Variants in DMD observed in about 807,000 individuals in gnomAD.
DMD encodes the protein dystrophin.
A neutral mutation model predicts 330.1 loss-of-function variants in DMD; 63 were observed. The ratio of observed to expected loss-of-function variants is 0.19; its 90% CI spans 0.16 to 0.24. DMD has a LOEUF of 0.24. Ranked by LOEUF, DMD falls within the 10% of genes least tolerant of loss-of-function variation. DMD has a pLI of 1.00. For synonymous variants in DMD, 1,223 were observed against 959.8 expected (o/e 1.27, Z -5.07); for missense variants, 3,344 against 2,684.1 (o/e 1.25, Z -5.43).
chrX:31,400,548 A>G (rs2061144028), intron 60 of DMD, among the ~76,000 whole-genome samples: 1 of 112,115 alleles, frequency 8.9e-6, no homozygotes, highest in Non-Finnish European at 1.9e-5. Context: ...CCAGTCTCAG[A>G]TATTTGAAGT....
intron 7 of DMD, among the ~76,000 whole-genome samples, chrX:32,767,882 A>G (rs941568246): frequency 5.4e-5 from 6 of 111,768 alleles, no homozygotes; most frequent in Non-Finnish European, 1.1e-4. Flanking sequence ...ATGTGTCTGT[A>G]AATCTCTGTT....
intron 55 of DMD, among the ~76,000 whole-genome samples, chrX:31,569,632 G>GTA (rs940638610): frequency 3.1e-5 from 3 of 95,598 alleles, no homozygotes; most frequent in African/African-American, 8.0e-5. Context: ...ACGTATATAC[G>GTA]TATATATATG....
At chrX:32,844,474 G>T (rs920781029) in intron 4 of DMD, among the ~76,000 whole-genome samples, 1 of 109,809 alleles carries the variant, frequency 9.1e-6, no homozygotes, top group Admixed American at 9.7e-5. Context: ...AGTAAGAAAA[G>T]AAACCGAGTT....
intron 60 of DMD, among the ~76,000 whole-genome samples, chrX:31,393,969 C>G (rs2060802015): frequency 8.9e-6 from 1 of 112,531 alleles, no homozygotes; most frequent in South Asian, 3.6e-4. Context: ...GATGATGATA[C>G]TATCAACATT....
intron 28 of DMD, among the ~76,000 whole-genome samples, chrX:32,440,578 T>C (rs1031666405): frequency 2.7e-5 from 3 of 111,561 alleles, no homozygotes; most frequent in Non-Finnish European, 3.8e-5. Context: ...TACACTAAAA[T>C]GCATAGAGCT....
intron 43 of DMD, among the ~76,000 whole-genome samples, chrX:32,232,057 T>G (rs1406504058): frequency 9.1e-6 from 1 of 110,408 alleles, no homozygotes; most frequent in East Asian, 2.8e-4. Context: ...AAATTAGTTC[T>G]GAAATTATGC....
intron 50 of DMD, among the ~76,000 whole-genome samples, chrX:31,801,590 CCAACACA>C (rs2092069430): frequency 1.1e-5 from 1 of 89,874 alleles, no homozygotes; most frequent in African/African-American, 4.0e-5. Context: ...TCCCCCCCCC[CCAACACA>C]CACACAATAG....
chrX:32,320,413 T>C (rs1385884737), intron 41 of DMD, among the ~76,000 whole-genome samples: 2 of 111,878 alleles, frequency 1.8e-5, no homozygotes, highest in African/African-American at 6.5e-5. Context: ...ATCTAAATTA[T>C]TTAAAAGCAA....
chrX:32,608,323 G>T (rs749401554), intron 12 of DMD, among the ~76,000 whole-genome samples: 1 of 110,359 alleles, frequency 9.1e-6, no homozygotes, highest in African/African-American at 3.3e-5. Flanking sequence ...AATTGTAACT[G>T]AATATCATGC....
intron 62 of DMD, among the ~76,000 whole-genome samples, chrX:31,287,088 G>A (rs1168555905): frequency 8.9e-6 from 1 of 112,256 alleles, no homozygotes. Context: ...CTTTGTATTG[G>A]AATGCTTTTA....
intron 16 of DMD, among the ~76,000 whole-genome samples, chrX:32,548,854 G>T (rs754076995): frequency 9.0e-6 from 1 of 111,273 alleles, no homozygotes; most frequent in African/African-American, 3.3e-5. Flanking sequence ...AAAACTTCAA[G>T]CATGATAAGA....
intron 2 of DMD, among the ~76,000 whole-genome samples, chrX:32,866,731 GGGTGGGGGGGT>G (rs2082523007): frequency 2.4e-4 from 8 of 33,386 alleles, no homozygotes; most frequent in African/African-American, 8.4e-4. Flanking sequence ...TTTTGGGGGG[GGGTGGGGGGGT>G]GGGGGGGGGG....
In DMD at chrX:32,823,415, A is replaced by G. The variant is rs766076256; in HGVS notation, c.265-28T>C. 3 of 1,017,680 alleles carry G rather than the reference A, an allele frequency of 2.9e-6. No individual in the cohort carries two copies. In the East Asian group the frequency reaches 9.1e-5, roughly 31 times the overall value. The allele number at this position is 1,017,680 out of a possible 1,213,427, so 83.9% of individuals were successfully genotyped here. On this transcript the variant is annotated intron_variant, in intron 4 of 78. Coordinates refer to ENST00000357033, the MANE Select transcript of DMD (RefSeq NM_004006.3). ...GTTAAAGAAAGGGGTAAAACATTTG[A>G]AGGTAAGAGACCAAATGCCTAGTTG...
intron 25 of DMD, among the ~76,000 whole-genome samples, chrX:32,459,423 G>A (rs1306817411): frequency 9.0e-6 from 1 of 111,141 alleles, no homozygotes; most frequent in African/African-American, 3.3e-5. Flanking sequence ...AGGGATGGGA[G>A]CATGGGGAAA....
In DMD at chrX:33,137,335, T is replaced by C. The variant is rs916277604; in HGVS notation, c.31+73947A>G. ...CATCAGAAGCACTTAAGCATAAATG[T>C]TCTCTTTTTATAGTGGTGGGGGGAG... On this transcript the variant is annotated intron_variant, in intron 1 of 78. Coordinates refer to ENST00000357033, the MANE Select transcript of DMD (RefSeq NM_004006.3). Among the ~76,000 whole-genome samples, 19 of 111,818 alleles carry C rather than the reference T, an allele frequency of 1.7e-4. 1 individual carries two copies. Among genetic ancestry groups the C allele is most frequent in the Non-Finnish European group, 1.9e-5 (1 of 53,194 alleles).
chrX:33,096,903 A>C (rs1782253565), intron 1 of DMD, among the ~76,000 whole-genome samples: 1 of 112,804 alleles, frequency 8.9e-6, no homozygotes, highest in Admixed American at 9.4e-5. Flanking sequence ...GAGCTGCCTT[A>C]GCAAAGGGTA....
At chrX:31,675,446 T>A (rs1356426390) in intron 53 of DMD, among the ~76,000 whole-genome samples, 1 of 111,965 alleles carries the variant, frequency 8.9e-6, no homozygotes, top group African/African-American at 3.3e-5. Flanking sequence ...CACTGCAACC[T>A]CCGCCTCCCG....
chrX:32,797,571 T>A (rs1179171323), intron 7 of DMD, among the ~76,000 whole-genome samples: 1 of 112,363 alleles, frequency 8.9e-6, no homozygotes, highest in Non-Finnish European at 1.9e-5. Context: ...TATTCCTTCA[T>A]AGCTGAAATA....
intron 1 of DMD, among the ~76,000 whole-genome samples, chrX:33,165,548 G>C (rs1569557085): frequency 1.8e-5 from 2 of 110,698 alleles, no homozygotes; most frequent in Non-Finnish European, 3.8e-5. Context: ...TTACACAAAG[G>C]TGTGTTTAGA....
Sources: gnomAD v4.1 joint callset for allele counts (sites outside exome capture counted in the v4.1 genomes callset) on GRCh38, gnomAD v4.1.1 for gene constraint, MANE v1.5 for transcripts, NCBI Gene and HGNC (gene_info 2026-07-23, HGNC 2026-07-21) for gene names.